Variants in ELMO2 observed in about 807,000 individuals in gnomAD.
ELMO2 encodes engulfment and cell motility 2, also known as engulfment and cell motility protein 2.
In ELMO2, 37 loss-of-function variants were observed where a neutral mutation model predicts 96.2. The ratio of observed to expected loss-of-function variants is 0.38; its 90% CI spans 0.30 to 0.51. The LOEUF is 0.51. Among genes scored for constraint, ELMO2 ranks in the 20% least tolerant of loss-of-function variants. The pLI is 0.88. For synonymous variants in ELMO2, 315 were observed against 329.4 expected, an observed-to-expected ratio of 0.96 and a Z score of 0.47; for missense variants, 561 against 912.6, an observed-to-expected ratio of 0.61 and a Z score of 4.96.
At chr20:46,392,212 C>T (rs1314666560) in intron 6 of ELMO2, among the ~76,000 whole-genome samples, 1 of 152,210 alleles carries the variant, frequency 6.6e-6, no homozygotes, top group African/African-American at 2.4e-5. Context: ...GTCACTTCAC[C>T]TTCTTGGTGT....
chr20:46,399,355 C>G (rs543613846), intron 1 of ELMO2, among the ~76,000 whole-genome samples: 7 of 152,302 alleles, frequency 4.6e-5, no homozygotes, highest in Non-Finnish European at 8.8e-5. Context: ...TCCTGGACTA[C>G]GGGCTATTTC....
chr20:46,396,981 C>A (rs1030268319), intron 2 of ELMO2, among the ~76,000 whole-genome samples: 2 of 152,166 alleles, frequency 1.3e-5, no homozygotes, highest in African/African-American at 4.8e-5. Flanking sequence ...TCCTTAATTT[C>A]GATGGTGCTG....
At chr20:46,367,685 G>A (rs2059612260) in intron 21 of ELMO2, 125 bp from the exon 22 acceptor site, 1 of 544,760 alleles carries the variant, frequency 1.8e-6, no homozygotes, top group Non-Finnish European at 3.0e-6. Context: ...AGGCAAAACT[G>A]ATTTGGAATG....
intron 2 of ELMO2, among the ~76,000 whole-genome samples, chr20:46,397,031 C>T (rs768166989): frequency 5.3e-5 from 8 of 152,288 alleles, no homozygotes; most frequent in East Asian, 3.9e-4. Context: ...CCTTTCTGAA[C>T]GCCGTCTTTG....
chr20:46,372,088 C>T (rs2059729219), intron 16 of ELMO2, 119 bp from the exon 17 acceptor site: 1 of 1,263,450 alleles, frequency 7.9e-7, no homozygotes, highest in Middle Eastern at 2.8e-4. Flanking sequence ...GCACTACAGA[C>T]ATCTGCTGGG....
In ELMO2 at chr20:46,375,425, AAAAG is replaced by A; in HGVS notation, c.931-59_931-56del. ...GAATCGGCTAACCAAGGGAGCAAGG[AAAAG>A]AAACAGTGGGTCAGGCTTTTCTGGG... On this transcript the variant is annotated intron_variant, in intron 12 of 21. Coordinates refer to ENST00000290246, the MANE Select transcript of ELMO2 (RefSeq NM_133171.5). The surrounding 1 kb of genome is among the most constrained non-coding windows in gnomAD (Gnocchi z 4.6). The A allele has an allele frequency of 6.2e-7, 1 of 1,600,172 alleles. No homozygotes were observed. Among genetic ancestry groups the A allele is most frequent in the East Asian group, 2.2e-5 (1 of 44,670 alleles).
chr20:46,399,574 C>T (rs1207697961), intron 1 of ELMO2, among the ~76,000 whole-genome samples: 3 of 152,186 alleles, frequency 2.0e-5, no homozygotes, highest in Admixed American at 6.5e-5. Context: ...TTCATACTTC[C>T]GTTAATGAGT....
chr20:46,398,216 A>G (rs1308369847), intron 2 of ELMO2, among the ~76,000 whole-genome samples: 2 of 152,190 alleles, frequency 1.3e-5, no homozygotes, highest in Non-Finnish European at 2.9e-5. Context: ...TACCCACTAG[A>G]TAAGTCTGAT....
At chr20:46,386,475 A>T (rs1301576764) in intron 8 of ELMO2, among the ~76,000 whole-genome samples, 200 bp from the exon 9 acceptor site, 2 of 152,364 alleles carry the variant, frequency 1.3e-5, no homozygotes, top group African/African-American at 4.8e-5. Flanking sequence ...ATCTCAGATT[A>T]TAGTATCCAC....
At chr20:46,369,961 GGTGT>G (rs200632114) in intron 20 of ELMO2, 811 of 50,226 alleles carry the variant, frequency 0.016, 10 homozygotes, top group African/African-American at 0.04. Context: ...TGGGTATGGG[GGTGT>G]GTGTGTGTGT....
At chr20:46,381,516 A>G (rs183526371) in intron 10 of ELMO2, among the ~76,000 whole-genome samples, 3 of 152,318 alleles carry the variant, frequency 2.0e-5, no homozygotes, top group East Asian at 1.9e-4. Context: ...TTTACTTTGC[A>G]TTCTCTGAAT....
Position 46,366,079 on chromosome 20 carries a change from C to T in ELMO2, c.*1281G>A, listed in dbSNP as rs1025939257. 6.6e-6 allele frequency: 1 copy of T among 152,636 alleles called. No homozygotes were observed. Among genetic ancestry groups the T allele is most frequent in the Admixed American group, 6.5e-5 (1 of 15,288 alleles). The allele number at this position is 152,636 out of a possible 1,614,324, so 9.5% of individuals were successfully genotyped here. On this transcript the variant is annotated 3_prime_UTR_variant, in exon 22 of 22. Coordinates refer to ENST00000290246, the MANE Select transcript of ELMO2 (RefSeq NM_133171.5). Reference sequence around the variant, plus strand: ...TACATGAAAGAGTATTTATTGAAAACATGGTTACTGACAGGAAGCTCCTGG... The same window carrying T: ...TACATGAAAGAGTATTTATTGAAAATATGGTTACTGACAGGAAGCTCCTGG...
chr20:46,387,056 G>A (rs139953297), intron 8 of ELMO2, among the ~76,000 whole-genome samples: 256 of 152,296 alleles, frequency 1.7e-3, no homozygotes, highest in African/African-American at 5.6e-3. Context: ...GCTAGTACTG[G>A]TTGACTGGCT....
At chr20:46,372,109 A>G (rs1195255542) in intron 16 of ELMO2, 140 bp from the exon 17 acceptor site, 1 of 934,748 alleles carries the variant, frequency 1.1e-6, no homozygotes, top group African/African-American at 1.7e-5. Context: ...TGAGTAAGGT[A>G]TACCTTCTTA....
intron 11 of ELMO2, among the ~76,000 whole-genome samples, chr20:46,376,485 C>T (rs1446367988): frequency 6.6e-6 from 1 of 152,132 alleles, no homozygotes; most frequent in Non-Finnish European, 1.5e-5. Flanking sequence ...TCATCACCTC[C>T]TCCTTTGTCC....
intron 9 of ELMO2, among the ~76,000 whole-genome samples, chr20:46,385,851 G>A (rs1221949277): frequency 6.6e-6 from 1 of 152,132 alleles, no homozygotes; most frequent in Non-Finnish European, 1.5e-5. Context: ...ATCTAATTTT[G>A]CCTGGTACCA....
chr20:46,375,890 CAG>C lies in ELMO2; in HGVS notation c.808-102_808-101del. On this transcript the variant is annotated intron_variant, in intron 11 of 21. Transcript: ENST00000290246. The surrounding 1 kb of genome is among the most constrained non-coding windows in gnomAD (Gnocchi z 4.6). ...AAAGGAATGTATGTTGGGAAGGGAA[CAG>C]AGCTTTCCTCCCACACACGAGGACT... 1.3e-6 allele frequency: 2 copies of C among 1,482,100 alleles called. No homozygotes were observed. Among genetic ancestry groups the C allele is most frequent in the Non-Finnish European group, 1.8e-6 (2 of 1,088,558 alleles). 91.8% of individuals were successfully genotyped at this position (1,482,100 alleles called of 1,614,324 possible).
intron 21 of ELMO2, 105 bp from the exon 22 acceptor site, chr20:46,367,665 TAATCA>T: frequency 1.2e-6 from 1 of 869,040 alleles, no homozygotes; most frequent in Non-Finnish European, 1.7e-6. Flanking sequence ...CTTTTGGAAC[TAATCA>T]GTATAGGCAA....
At chr20:46,369,104 C>A in intron 20 of ELMO2, 136 bp from the exon 21 acceptor site, 1 of 794,918 alleles carries the variant, frequency 1.3e-6, no homozygotes, top group Non-Finnish European at 2.1e-6. Flanking sequence ...TGCTCCTAGG[C>A]GGCCACAAGT....
Sources: allele counts gnomAD v4.1 joint callset (sites outside exome capture counted in the v4.1 genomes callset), GRCh38; gene constraint gnomAD v4.1.1; non-coding constraint Gnocchi (gnomAD v3.1); transcripts MANE v1.5; gene names NCBI Gene and HGNC (gene_info 2026-07-23, HGNC 2026-07-21).